RTL9: variants seen among roughly 807,000 people sequenced by gnomAD.
RTL9 encodes the protein retrotransposon Gag-like protein 9.
Under a neutral mutation model 44.7 loss-of-function variants are expected in RTL9, and 19 were observed. That is an observed-to-expected ratio of 0.42 (90% CI 0.30 to 0.62). RTL9 has a LOEUF of 0.62. Among genes scored for constraint, RTL9 ranks in the 20% least tolerant of loss-of-function variants. RTL9 has a pLI of 0.16. For missense variants in RTL9, 1,105 were observed against 1,080.6 expected, an observed-to-expected ratio of 1.02 and a Z score of -0.32; for synonymous variants, 407 against 398.9, an observed-to-expected ratio of 1.02 and a Z score of -0.24.
intron 1 of RTL9, among the ~76,000 whole-genome samples, chrX:110,370,195 T>A (rs1462804520): frequency 9.0e-6 from 1 of 111,449 alleles, no homozygotes; most frequent in Non-Finnish European, 1.9e-5. Flanking sequence ...CTTTTTAAAA[T>A]TTTTAAATTT....
intron 1 of RTL9, among the ~76,000 whole-genome samples, chrX:110,396,905 A>G (rs933957075): frequency 3.3e-4 from 37 of 111,885 alleles, no homozygotes; most frequent in African/African-American, 1.2e-3. Flanking sequence ...TTGGACTCCT[A>G]TGTTTGTTTT....
At chrX:110,451,503 A>G in exon 1 of RTL9, 1 of 1,211,257 alleles carries the variant, frequency 8.3e-7, no homozygotes, top group Non-Finnish European at 1.1e-6. Context: ...GGGAATACCT[A>G]CCCCGCTCAT....
intron 1 of RTL9, among the ~76,000 whole-genome samples, chrX:110,397,615 A>G (rs2068536627): frequency 9.0e-6 from 1 of 110,913 alleles, no homozygotes; most frequent in African/African-American, 3.3e-5. Context: ...ACTGCTGGGG[A>G]CACCACATGA....
At chrX:110,451,010 C>G in exon 1 of RTL9, 1 of 1,211,593 alleles carries the variant, frequency 8.3e-7, no homozygotes, top group Non-Finnish European at 1.1e-6. Context: ...CATTGCTGTC[C>G]ACTTCAGAGT....
At chrX:110,375,550 A>G (rs1457027756) in intron 1 of RTL9, among the ~76,000 whole-genome samples, 1 of 110,630 alleles carries the variant, frequency 9.0e-6, no homozygotes, top group East Asian at 2.8e-4. Context: ...GAATGAATGA[A>G]TGAATGAATG....
chrX:110,431,666 C>G (rs1488032006), intron 1 of RTL9, among the ~76,000 whole-genome samples: 2 of 111,501 alleles, frequency 1.8e-5, no homozygotes, highest in Non-Finnish European at 3.8e-5. Context: ...CAGAAGGTTG[C>G]CCTGATGACT....
At chrX:110,442,221 T>TTC (rs781098261) in intron 1 of RTL9, among the ~76,000 whole-genome samples, 3,720 of 72,474 alleles carry the variant, frequency 0.051, 156 homozygotes, top group African/African-American at 0.11. Context: ...ATCGAAGTCT[T>TTC]TCTCTCTCTC....
chrX:110,451,806 G>A (rs768005224), exon 1 of RTL9: 3 of 1,210,851 alleles, frequency 2.5e-6, no homozygotes, highest in African/African-American at 3.5e-5. Context: ...AGCCTCTGGG[G>A]TGATGTCTGC....
At chrX:110,452,164 C>T (rs368321346) in exon 1 of RTL9, 35 of 1,210,096 alleles carry the variant, frequency 2.9e-5, no homozygotes, top group African/African-American at 1.8e-4. Context: ...CAACCAGTTA[C>T]GGCAACAGCC....
chrX:110,423,736 G>T (rs1473583894), intron 1 of RTL9, among the ~76,000 whole-genome samples: 2 of 112,486 alleles, frequency 1.8e-5, no homozygotes, highest in Admixed American at 9.3e-5. Context: ...TCCAGCAACT[G>T]TGTAGCTATG....
intron 1 of RTL9, among the ~76,000 whole-genome samples, chrX:110,435,794 T>TTA (rs1256069046): frequency 1.8e-5 from 2 of 112,472 alleles, no homozygotes; most frequent in African/African-American, 6.5e-5. Flanking sequence ...TAAACCCTGT[T>TTA]TATATATATG....
chrX:110,439,930 G>T (rs2068867669), intron 1 of RTL9: 1 of 110,596 alleles, frequency 9.0e-6, no homozygotes, highest in Non-Finnish European at 1.9e-5. Flanking sequence ...GAGCTTACAG[G>T]CTCCCGAATG....
chrX:110,375,161 C>T (rs1418628846), intron 1 of RTL9, among the ~76,000 whole-genome samples: 1 of 111,427 alleles, frequency 9.0e-6, no homozygotes, highest in Non-Finnish European at 1.9e-5. Context: ...TGTAATAAAA[C>T]TGGAATTGCA....
At chrX:110,422,136 G>A (rs1463102497) in intron 1 of RTL9, among the ~76,000 whole-genome samples, 2 of 113,017 alleles carry the variant, frequency 1.8e-5, no homozygotes, top group African/African-American at 6.4e-5. Flanking sequence ...CACAGAGTAA[G>A]TGCTCAACAA....
chrX:110,447,908 C>A (rs759260929), upstream of RTL9, among the ~76,000 whole-genome samples: 24 of 111,693 alleles, frequency 2.1e-4, no homozygotes, highest in East Asian at 6.2e-3. Flanking sequence ...CTGAGTGCAC[C>A]AGTTCAGGAA....
intron 1 of RTL9, among the ~76,000 whole-genome samples, chrX:110,376,719 A>T: frequency 8.9e-6 from 1 of 112,448 alleles, no homozygotes; most frequent in East Asian, 2.8e-4. Flanking sequence ...CTAGCTAGCT[A>T]TTTGCCTTTG....
At chrX:110,379,045 T>G (rs534486959) in intron 1 of RTL9, among the ~76,000 whole-genome samples, 80 of 112,192 alleles carry the variant, frequency 7.1e-4, no homozygotes, top group African/African-American at 2.5e-3. Context: ...CCCACCATTT[T>G]TCTCACTACT....
chrX:110,453,555 A>C lies in RTL9; in HGVS notation c.2938A>C (p.Met980Leu), dbSNP rs140621397. ...TTCTGGAGAGATGTCTATGCCGCTA[A>C]TGGAAACCATGGCCTCTGGAGCAAC... is the stretch of plus-strand genomic sequence containing the variant. The change falls in exon 1 of 2, where the codon ATG becomes CTG. Residue 980 changes from methionine to leucine, a missense_variant. Physicochemically the swap from Met to Leu is conservative, Grantham distance 15. Transcript: ENST00000540313. 1.9e-3 allele frequency: 2,290 copies of C among 1,210,709 alleles called. 29 individuals are homozygous for C. In the African/African-American group the frequency reaches 0.032, roughly 17 times the overall value.
chrX:110,392,979 G>T (rs1490271841), intron 1 of RTL9, among the ~76,000 whole-genome samples: 1 of 111,904 alleles, frequency 8.9e-6, no homozygotes, highest in African/African-American at 3.3e-5. Flanking sequence ...AGATGCAAGG[G>T]CCTGGGCTTT....
Sources: gnomAD v4.1 joint callset for allele counts (sites outside exome capture counted in the v4.1 genomes callset) on GRCh38, gnomAD v4.1.1 for gene constraint, MANE v1.5 for transcripts, NCBI Gene and HGNC (gene_info 2026-07-23, HGNC 2026-07-21) for gene names.